Variants in MDFIC observed in about 807,000 individuals in gnomAD.
MDFIC encodes the protein MyoD family inhibitor domain containing.
In MDFIC, 17 loss-of-function variants were observed where a neutral mutation model predicts 23.2. The observed-to-expected ratio is 0.73, with a 90% CI of 0.50 to 1.10. The LOEUF (loss-of-function observed/expected upper bound fraction) is 1.10. MDFIC is among the 50% of genes least tolerant of loss of function. MDFIC has a pLI of 0.00. For missense variants in MDFIC, 356 were observed against 316.6 expected, an observed-to-expected ratio of 1.12 and a Z score of -0.95; for synonymous variants, 120 against 115.2, an observed-to-expected ratio of 1.04 and a Z score of -0.27.
rs1791805003 is a variant in MDFIC at position 115,016,785 on chromosome 7, T to A, written c.*850T>A. On this transcript the variant is annotated 3_prime_UTR_variant, in exon 5 of 5. Coordinates refer to ENST00000393486, the MANE Select transcript of MDFIC (RefSeq NM_001166345.3). ...TCTCTCCCTTACCTTCTCCACTTGT[T>A]CAACAGACTCTGAATGCCGACTGTG... is the stretch of plus-strand genomic sequence containing the variant. The A allele has an allele frequency of 6.6e-6, 1 of 150,934 alleles. No homozygotes were observed. The highest frequency in any genetic ancestry group is 6.6e-5 in the Admixed American group (1 of 15,150). The allele number at this position is 150,934 out of a possible 1,614,324, so 9.3% of individuals were successfully genotyped here. A position where few individuals can be genotyped will look rare whatever the true frequency, so the allele number is the denominator to read the frequency against.
At chr7:114,986,686 T>C (rs1233912948) in intron 4 of MDFIC, among the ~76,000 whole-genome samples, 10 of 152,212 alleles carry the variant, frequency 6.6e-5, no homozygotes, top group Non-Finnish European at 1.5e-4. Flanking sequence ...TTCTCATAAC[T>C]CTCTTTGCAT....
intron 3 of MDFIC, among the ~76,000 whole-genome samples, chr7:114,953,937 T>G (rs764377287): frequency 2.0e-5 from 3 of 152,186 alleles, no homozygotes; most frequent in Non-Finnish European, 2.9e-5. Context: ...TTTCTCCCCC[T>G]GCTGGATATT....
At chr7:115,004,252 G>A (rs1011720518) in intron 4 of MDFIC, among the ~76,000 whole-genome samples, 21 of 152,140 alleles carry the variant, frequency 1.4e-4, no homozygotes, top group African/African-American at 5.1e-4. Flanking sequence ...TCATGCAGAG[G>A]TAATGCCTGC....
intron 4 of MDFIC, among the ~76,000 whole-genome samples, chr7:114,988,139 T>G (rs1277966263): frequency 2.0e-5 from 3 of 152,214 alleles, no homozygotes; most frequent in African/African-American, 7.2e-5. Context: ...TTTTTGTGTT[T>G]GTAGACAAGC....
chr7:114,952,058 G>A (rs1792788336), intron 3 of MDFIC, among the ~76,000 whole-genome samples: 2 of 152,302 alleles, frequency 1.3e-5, no homozygotes, highest in South Asian at 2.1e-4. Flanking sequence ...AAGCATTGAA[G>A]GAGTGGGACT....
intron 3 of MDFIC, among the ~76,000 whole-genome samples, chr7:114,957,398 A>G (rs1792903804): frequency 6.6e-6 from 1 of 152,172 alleles, no homozygotes; most frequent in African/African-American, 2.4e-5. Flanking sequence ...AAGTGTTTGT[A>G]GATGTATTGG....
intron 2 of MDFIC, among the ~76,000 whole-genome samples, chr7:114,932,866 T>G (rs1792342138): frequency 6.6e-6 from 1 of 152,214 alleles, no homozygotes; most frequent in Non-Finnish European, 1.5e-5. Context: ...AGTCCCAGAA[T>G]TCAATTTCAG....
Position 114,964,030 on chromosome 7 carries a change from G to GT in MDFIC, c.218-15471dup, listed in dbSNP as rs571205908. Among the ~76,000 whole-genome samples the GT allele has an allele frequency of 1.3e-4, 20 of 152,210 alleles. No individual in the cohort carries two copies. The South Asian group carries it at 3.7e-3, about 28-fold the overall frequency. On this transcript the variant is annotated intron_variant, in intron 3 of 4. Coordinates refer to ENST00000393486, the MANE Select transcript of MDFIC (RefSeq NM_001166345.3). ...TATATAATGGGTATTTCAACTTCCT[G>GT]TTTTTCTTCAAGTGCTGAAATCTTT...
At chr7:115,007,512 A>G (rs1232483767) in intron 4 of MDFIC, among the ~76,000 whole-genome samples, 1 of 151,122 alleles carries the variant, frequency 6.6e-6, no homozygotes. Context: ...TGGGTAAAAA[A>G]TTTTAAATAA....
rs760088654 is a variant in MDFIC at position 114,942,339 on chromosome 7, T to C, written c.159T>C (p.His53=). The C allele has an allele frequency of 5.6e-6, 9 of 1,605,754 alleles. No individual in the cohort carries two copies. Among genetic ancestry groups the C allele is most frequent in the Non-Finnish European group, 6.8e-6 (8 of 1,174,024 alleles). ...ITQATNSHFT[H]GEMQDQSIWG... The stretch of plus-strand genomic sequence containing the variant: ...AAGCTACCAATAGCCACTTCACACA[T>C]GGAGAGATGCAAGACCAGTCCATTT... Residue 53 remains histidine (H), a synonymous_variant, in exon 3 of 5, where the codon CAT becomes CAC. Transcript: ENST00000393486.
At chr7:114,969,687 G>T (rs1173465143) in intron 3 of MDFIC, among the ~76,000 whole-genome samples, 1 of 152,084 alleles carries the variant, frequency 6.6e-6, no homozygotes, top group East Asian at 1.9e-4. Context: ...TCTTGTTTTT[G>T]GCTGATCAGC....
In MDFIC at chr7:114,979,790, GAGATATATGT is replaced by G. The variant is rs751616731; in HGVS notation, c.493+14_493+23del. 2.5e-6 allele frequency: 4 copies of G among 1,611,384 alleles called. No homozygotes were observed. The South Asian group carries it at 4.4e-5, about 18-fold the overall frequency. On this transcript the variant is annotated intron_variant, in intron 4 of 4. Transcript: ENST00000393486. Reference sequence around the variant, plus strand: ...AGGCTCTTCACCTGAAGGTAAGTTTGAGATATATGTAGATTTTATTTGACCAGATGTAAAA... The same window carrying G: ...AGGCTCTTCACCTGAAGGTAAGTTTGAGATTTTATTTGACCAGATGTAAAA...
At chr7:114,964,178 A>G (rs779050690) in intron 3 of MDFIC, among the ~76,000 whole-genome samples, 27 of 152,182 alleles carry the variant, frequency 1.8e-4, no homozygotes, top group Non-Finnish European at 3.8e-4. Flanking sequence ...TGATGAATAC[A>G]TTTGACATTG....
chr7:114,990,872 G>T lies in MDFIC; in HGVS notation c.493+11091G>T, dbSNP rs556076223. Among the ~76,000 whole-genome samples the T allele has an allele frequency of 1.2e-3, 185 of 152,178 alleles. 1 individual carries two copies. Among genetic ancestry groups the T allele is most frequent in the African/African-American group, 4.3e-3 (177 of 41,506 alleles). ...CCTTTGGGTATATACCCAGTAATGG[G>T]ATGGCTGGGTCAAATGGTATTTCTA... is the stretch of plus-strand genomic sequence containing the variant. On this transcript the variant is annotated intron_variant, in intron 4 of 4. Coordinates refer to ENST00000393486, the MANE Select transcript of MDFIC (RefSeq NM_001166345.3).
At chr7:114,924,556 T>C (rs1012864835) in intron 2 of MDFIC, among the ~76,000 whole-genome samples, 5 of 146,404 alleles carry the variant, frequency 3.4e-5, no homozygotes, top group Non-Finnish European at 6.0e-5. Context: ...GATCTGAACT[T>C]AAGAACCCGA....
At chr7:115,007,176 T>C (rs886762326) in intron 4 of MDFIC, among the ~76,000 whole-genome samples, 3 of 152,200 alleles carry the variant, frequency 2.0e-5, no homozygotes, top group Non-Finnish European at 2.9e-5. Context: ...AATGGTCCGA[T>C]GTCCGTGTGG....
intron 4 of MDFIC, among the ~76,000 whole-genome samples, chr7:115,006,308 T>C (rs1192836055): frequency 6.6e-6 from 1 of 152,184 alleles, no homozygotes; most frequent in Non-Finnish European, 1.5e-5. Flanking sequence ...CAGCCTTCTT[T>C]TAGTGTGTTT....
chr7:114,950,394 G>A (rs570239334), intron 3 of MDFIC, among the ~76,000 whole-genome samples: 1 of 152,256 alleles, frequency 6.6e-6, no homozygotes, highest in Non-Finnish European at 1.5e-5. Context: ...TGACGGTGGA[G>A]CAAATGATTT....
intron 4 of MDFIC, among the ~76,000 whole-genome samples, chr7:115,005,743 G>A (rs551931752): frequency 1.3e-5 from 2 of 152,260 alleles, no homozygotes; most frequent in African/African-American, 4.8e-5. Flanking sequence ...AATTAAGGCG[G>A]AGGTATTTAT....
Sources: allele counts gnomAD v4.1 joint callset (sites outside exome capture counted in the v4.1 genomes callset), GRCh38; gene constraint gnomAD v4.1.1; transcripts MANE v1.5; gene names NCBI Gene and HGNC (gene_info 2026-07-23, HGNC 2026-07-21).